The following NCKAP5 variants were observed in gnomAD, a reference collection of about 807,000 sequenced individuals.
NCKAP5 encodes nck-associated protein 5.
NCKAP5 carries 92 observed loss-of-function variants against 167.0 expected under a neutral mutation model. The ratio of observed to expected loss-of-function variants is 0.55; its 90% CI spans 0.47 to 0.66. NCKAP5 has a LOEUF of 0.66. NCKAP5 is among the 30% of genes least tolerant of loss of function. The pLI is 0.00. For missense variants in NCKAP5, 2,378 were observed against 2,315.0 expected (o/e 1.03, Z -0.56); for synonymous variants, 891 against 877.4 (o/e 1.02, Z -0.27).
intron 3 of NCKAP5, among the ~76,000 whole-genome samples, chr2:133,414,963 A>G (rs1229792265): frequency 4.6e-5 from 7 of 152,212 alleles, no homozygotes; most frequent in Non-Finnish European, 1.0e-4. Context: ...ATTCACTGAC[A>G]GGGTTCTCTC....
chr2:133,381,860 C>G (rs1393095955), intron 3 of NCKAP5, among the ~76,000 whole-genome samples: 1 of 152,216 alleles, frequency 6.6e-6, no homozygotes, highest in Admixed American at 6.5e-5. Flanking sequence ...AGTGGCGGAC[C>G]ATGCTCCTTG....
chr2:133,414,531 G>A (rs1419283941), intron 3 of NCKAP5, among the ~76,000 whole-genome samples: 2 of 152,080 alleles, frequency 1.3e-5, no homozygotes, highest in South Asian at 2.1e-4. Context: ...CCAAAAAAAA[G>A]CAACTCACAT....
At chr2:133,233,624 T>C (rs1191745740) in intron 4 of NCKAP5, among the ~76,000 whole-genome samples, 1 of 152,206 alleles carries the variant, frequency 6.6e-6, no homozygotes. Flanking sequence ...TGCAGCCTGA[T>C]GAGCTATTTC....
At chr2:132,743,857 A>G (rs2105611295) in intron 16 of NCKAP5, among the ~76,000 whole-genome samples, 1 of 151,862 alleles carries the variant, frequency 6.6e-6, no homozygotes, top group Admixed American at 6.6e-5. Context: ...AAAAATATAT[A>G]GCATGCAAAC....
In NCKAP5 at chr2:132,784,866, A is replaced by G. The variant is rs773461464; in HGVS notation, c.1945T>C (p.Phe649Leu). The change falls in exon 14 of 20, where the codon TTT (phenylalanine) becomes CTT (leucine). Residue 649 changes from phenylalanine (F) to leucine (L), a missense_variant. Coordinates refer to ENST00000409261, the MANE Select transcript of NCKAP5 (RefSeq NM_207363.3). ...PIPSETRPKT[F>L]SFIKQQRVVK... is the part of the protein sequence containing the mutation. ...ACTCTTTGCTGCTTAATGAAACTAA[A>G]AGTCTTTGGCCTAGTCTCTGAAGGG... 1 of 1,560,748 alleles carries G rather than the reference A, an allele frequency of 6.4e-7. No homozygotes were observed. Among genetic ancestry groups the G allele is most frequent in the East Asian group, 2.3e-5 (1 of 44,388 alleles).
rs371045003 is a variant in NCKAP5 at position 132,783,789 on chromosome 2, G to A, written c.3022C>T (p.Pro1008Ser). The A allele has an allele frequency of 7.7e-6, 12 of 1,553,820 alleles. No individual in the cohort carries two copies. In the East Asian group the frequency reaches 2.5e-4, roughly 32 times the overall value. ...VAFKKPIFTH[P>S]MPSPEAVIQT... is the part of the protein sequence containing the mutation. Reference sequence around the variant, plus strand: ...ATGACTGCTTCTGGGGAGGGCATAGGGTGAGTGAAGATAGGCTTTTTGAAG... The same window carrying A: ...ATGACTGCTTCTGGGGAGGGCATAGAGTGAGTGAAGATAGGCTTTTTGAAG... The change falls in exon 14 of 20, where the codon CCT (proline) becomes TCT (serine). Residue 1008 changes from proline to serine, a missense_variant. Pro to Ser is a moderately conservative substitution (Grantham distance 74). Coordinates refer to ENST00000409261, the MANE Select transcript of NCKAP5 (RefSeq NM_207363.3).
intron 6 of NCKAP5, among the ~76,000 whole-genome samples, chr2:133,104,420 T>G (rs187689251): frequency 6.6e-6 from 1 of 152,340 alleles, no homozygotes; most frequent in Non-Finnish European, 1.5e-5. Context: ...TGGAGTTGGT[T>G]ACCTCATCCT....
At chr2:133,667,915 C>T in the NCKAP5 span, among the ~76,000 whole-genome samples, 2 of 151,958 alleles carry the variant, frequency 1.3e-5, no homozygotes, top group Admixed American at 1.3e-4. Flanking sequence ...AAAAAGAAAG[C>T]CCATACCCAT....
chr2:132,887,183 G>C (rs1692295685), intron 8 of NCKAP5, among the ~76,000 whole-genome samples: 1 of 152,006 alleles, frequency 6.6e-6, no homozygotes, highest in Admixed American at 6.6e-5. Flanking sequence ...TCTAAACTTT[G>C]GTTCACTCCT....
chr2:133,252,546 C>A (rs886765228), intron 4 of NCKAP5, among the ~76,000 whole-genome samples: 7 of 152,182 alleles, frequency 4.6e-5, no homozygotes, highest in Non-Finnish European at 1.0e-4. Flanking sequence ...GAGGTCTTTG[C>A]GTACAGTAAT....
chr2:133,179,013 T>A (rs967246066), intron 5 of NCKAP5, among the ~76,000 whole-genome samples: 28 of 151,630 alleles, frequency 1.8e-4, no homozygotes, highest in African/African-American at 6.5e-4. Flanking sequence ...AAAAAATATT[T>A]AAAAATTATC....
chr2:132,713,470 C>T (rs530807114), intron 19 of NCKAP5, among the ~76,000 whole-genome samples: 1 of 152,266 alleles, frequency 6.6e-6, no homozygotes, highest in South Asian at 2.1e-4. Context: ...AGACACATGC[C>T]TTCTCCAAGA....
intron 11 of NCKAP5, 82 bp downstream of exon 11, chr2:132,860,410 G>T: frequency 6.9e-7 from 1 of 1,446,322 alleles, no homozygotes. Flanking sequence ...TGCTCATGAA[G>T]ATGTTGCTAA....
chr2:133,303,003 T>C (rs77602516), intron 4 of NCKAP5, 34 bp downstream of exon 4: 31,420 of 1,493,106 alleles, frequency 0.021, 418 homozygotes, highest in Middle Eastern at 0.037. Context: ...GGATGCTACC[T>C]GAGCAAGCAA....
chr2:133,187,122 G>T (rs2150060058), intron 5 of NCKAP5, among the ~76,000 whole-genome samples: 1 of 152,002 alleles, frequency 6.6e-6, no homozygotes, highest in Non-Finnish European at 1.5e-5. Context: ...CATTGCTTTA[G>T]CTGAGTCCCA....
chr2:133,303,039 C>T lies in NCKAP5; in HGVS notation c.141G>A (p.Trp47Ter). Residue 47 changes from tryptophan (W) to a stop codon, truncating the protein, a stop_gained and splice_region_variant, in exon 4 of 20, where the codon TGG becomes TGA. Transcript: ENST00000409261. LOFTEE classifies it high-confidence loss of function. The stretch of plus-strand genomic sequence containing the variant: ...ATAAGAACATGAATTGAACTCACCT[C>T]CAGAGACTCCTGTGTTGCTCCTCAA... ...TQLEEQHRSL[W>*]REKLAVARLQ... 6.3e-7 allele frequency: 1 copy of T among 1,598,388 alleles called. No homozygotes were observed. The highest frequency in any genetic ancestry group is 8.5e-7 in the Non-Finnish European group (1 of 1,171,370).
intron 16 of NCKAP5, among the ~76,000 whole-genome samples, chr2:132,761,555 T>C (rs1242549222): frequency 6.6e-6 from 1 of 152,230 alleles, no homozygotes; most frequent in Non-Finnish European, 1.5e-5. Flanking sequence ...ATACGTATAA[T>C]TTTATATTAT....
chr2:133,310,687 C>T (rs1266936626), intron 3 of NCKAP5, among the ~76,000 whole-genome samples: 2 of 152,174 alleles, frequency 1.3e-5, no homozygotes, highest in Admixed American at 1.3e-4. Flanking sequence ...TCGAGTAGGC[C>T]ATCCTTCATT....
In NCKAP5 at chr2:132,952,928, C is replaced by T. The variant is rs116577779; in HGVS notation, c.579+10792G>A. ...GCTCTACAGATGGATTGAAGCACCA[C>T]GAGGAGCTTCACTGTGGAAAGTGAA... On this transcript the variant is annotated intron_variant, in intron 8 of 19. Transcript: ENST00000409261. 8.0e-3 allele frequency among the ~76,000 whole-genome samples: 1,219 copies of T among 152,266 alleles called. 11 individuals are homozygous for T. Among genetic ancestry groups the T allele is most frequent in the African/African-American group, 0.028 (1,143 of 41,556 alleles).
Sources: allele counts gnomAD v4.1 joint callset (sites outside exome capture counted in the v4.1 genomes callset), GRCh38; gene constraint gnomAD v4.1.1; transcripts MANE v1.5; gene names NCBI Gene and HGNC (gene_info 2026-07-23, HGNC 2026-07-21).